Variants in PIK3CB observed in about 807,000 individuals in gnomAD.
PIK3CB encodes the protein phosphatidylinositol 4,5-bisphosphate 3-kinase catalytic subunit beta isoform.
A neutral mutation model predicts 136.8 loss-of-function variants in PIK3CB; 39 were observed. The observed-to-expected ratio is 0.29, with a 90% CI of 0.22 to 0.37. PIK3CB has a LOEUF of 0.37. Ranked by LOEUF, PIK3CB falls within the 10% of genes least tolerant of loss-of-function variation. The probability of loss-of-function intolerance (pLI) is 1.00; values close to 1 mark genes in which losing one functional copy is unlikely to be tolerated. For synonymous variants in PIK3CB, 428 were observed against 436.6 expected, an observed-to-expected ratio of 0.98 and a Z score of 0.25; for missense variants, 868 against 1,275.4, an observed-to-expected ratio of 0.68 and a Z score of 4.87.
intron 2 of PIK3CB, among the ~76,000 whole-genome samples, chr3:138,765,084 C>A (rs1279793914): frequency 1.3e-5 from 2 of 152,212 alleles, no homozygotes; most frequent in African/African-American, 4.8e-5. Flanking sequence ...CCCACTAGCA[C>A]TTTGGGAGGT....
chr3:138,661,814 G>A (rs16848263), intron 21 of PIK3CB, among the ~76,000 whole-genome samples: 4,728 of 152,256 alleles, frequency 0.031, 254 homozygotes, highest in African/African-American at 0.11. Flanking sequence ...TTTCATTCTA[G>A]TATGCCTCTA....
intron 2 of PIK3CB, among the ~76,000 whole-genome samples, chr3:138,795,345 G>T (rs892428463): frequency 7.2e-5 from 10 of 139,222 alleles, no homozygotes; most frequent in Middle Eastern, 4.5e-3. Flanking sequence ...AAAAAAAAAA[G>T]GCCCAGCATG....
At chr3:138,690,867 G>A in intron 15 of PIK3CB, 133 bp downstream of exon 15, 1 of 604,128 alleles carries the variant, frequency 1.7e-6, no homozygotes, top group East Asian at 2.9e-5. Flanking sequence ...ACAGGAGAAG[G>A]CACCAAAACC....
intron 1 of PIK3CB, among the ~76,000 whole-genome samples, chr3:138,816,332 G>A (rs1028360357): frequency 7.9e-5 from 12 of 151,866 alleles, no homozygotes; most frequent in Admixed American, 3.9e-4. Flanking sequence ...GGTGGCTCAC[G>A]CCTATAATTC....
intron 4 of PIK3CB, among the ~76,000 whole-genome samples, chr3:138,743,048 A>C (rs2045275985): frequency 6.6e-6 from 1 of 152,244 alleles, no homozygotes; most frequent in South Asian, 2.1e-4. Context: ...TTTGCCTACC[A>C]GTTTTACAAA....
chr3:138,774,500 T>A (rs1468212432), intron 2 of PIK3CB, among the ~76,000 whole-genome samples: 1 of 152,214 alleles, frequency 6.6e-6, no homozygotes, highest in Admixed American at 6.5e-5. Flanking sequence ...TCCAATAGAC[T>A]AACTGAGGTG....
intron 15 of PIK3CB, among the ~76,000 whole-genome samples, chr3:138,690,693 G>C (rs1033385162): frequency 6.9e-6 from 1 of 144,754 alleles, no homozygotes; most frequent in Admixed American, 6.9e-5. Context: ...ATTAATTTCA[G>C]TTAAAAATCA....
chr3:138,769,528 ACATGTAACTCTT>A (rs1290101133), intron 2 of PIK3CB, among the ~76,000 whole-genome samples: 5 of 152,212 alleles, frequency 3.3e-5, no homozygotes, highest in Admixed American at 2.0e-4. Flanking sequence ...CCACAAGATG[ACATGTAACTCTT>A]CAGAGCTTCA....
chr3:138,746,134 T>C (rs1576381412), intron 4 of PIK3CB, among the ~76,000 whole-genome samples: 1 of 151,880 alleles, frequency 6.6e-6, no homozygotes, highest in East Asian at 1.9e-4. Flanking sequence ...TAGTCCCAGC[T>C]ACTCAGGAGG....
intron 19 of PIK3CB, among the ~76,000 whole-genome samples, chr3:138,680,466 T>C (rs897190805): frequency 2.0e-5 from 3 of 152,164 alleles, no homozygotes; most frequent in African/African-American, 7.2e-5. Flanking sequence ...AAAACACTGA[T>C]GAACTGGACT....
chr3:138,684,518 T>G, intron 17 of PIK3CB, 107 bp downstream of exon 17: 1 of 698,542 alleles, frequency 1.4e-6, no homozygotes, highest in South Asian at 3.5e-5. Context: ...CTTCCTTAAT[T>G]ATATTCTACT....
chr3:138,762,072 C>G (rs1232210865), intron 2 of PIK3CB, among the ~76,000 whole-genome samples: 2 of 151,504 alleles, frequency 1.3e-5, no homozygotes, highest in Admixed American at 1.3e-4. Context: ...CATGGCGAAA[C>G]CCTGTCTCTA....
Position 138,790,675 on chromosome 3 carries a change from G to A in PIK3CB, c.-17+5788C>T, listed in dbSNP as rs112948066. 6.1e-3 allele frequency among the ~76,000 whole-genome samples: 925 copies of A among 151,406 alleles called. 11 individuals carry two copies. The highest frequency in any genetic ancestry group is 0.022 in the African/African-American group (891 of 41,296). On this transcript the variant is annotated intron_variant, in intron 2 of 23. Coordinates refer to ENST00000674063, the MANE Select transcript of PIK3CB (RefSeq NM_006219.3). ...AAAAAAAAAAAAAAATTAACTGGGC[G>A]TGGTGGCGGGTGCCTGTAGTCCCAG...
chr3:138,717,568 C>T (rs893106610), intron 8 of PIK3CB, among the ~76,000 whole-genome samples: 1 of 151,682 alleles, frequency 6.6e-6, no homozygotes, highest in African/African-American at 2.4e-5. Context: ...TTTGGGGGTA[C>T]ATGTGAAGGT....
chr3:138,799,217 G>A (rs1189326145), intron 1 of PIK3CB, among the ~76,000 whole-genome samples: 25 of 135,658 alleles, frequency 1.8e-4, no homozygotes, highest in Middle Eastern at 4.1e-3. Context: ...TCACTCTGTC[G>A]CCCAGGCTGG....
chr3:138,695,964 T>C (rs2044129456), intron 13 of PIK3CB, among the ~76,000 whole-genome samples: 1 of 102,482 alleles, frequency 9.8e-6, no homozygotes, highest in African/African-American at 3.8e-5. Context: ...TGAGATGGGG[T>C]TTCACCATGT....
At chr3:138,798,326 G>A (rs1446442715) in intron 1 of PIK3CB, among the ~76,000 whole-genome samples, 9 of 151,986 alleles carry the variant, frequency 5.9e-5, no homozygotes, top group Admixed American at 4.6e-4. Context: ...CACCACGCCC[G>A]GCTAATTTTT....
At chr3:138,735,632 G>A (rs1455428757) in intron 6 of PIK3CB, among the ~76,000 whole-genome samples, 1 of 152,056 alleles carries the variant, frequency 6.6e-6, no homozygotes, top group Admixed American at 6.6e-5. Context: ...ATCCCAGTTT[G>A]ATGTTCTATT....
In PIK3CB at chr3:138,769,442, G is replaced by A. The variant is rs568946145; in HGVS notation, c.-16-10083C>T. Among the ~76,000 whole-genome samples, 9 of 152,318 alleles carry A rather than the reference G, an allele frequency of 5.9e-5. No individual in the cohort carries two copies. The South Asian group carries it at 1.7e-3, about 28-fold the overall frequency. The stretch of plus-strand genomic sequence containing the variant: ...TAGACCCTTAACTAATCAGAGGAAT[G>A]TAAACCCAGTATAACTAGCTCTTAG... On this transcript the variant is annotated intron_variant, in intron 2 of 23. Transcript: ENST00000674063.
Sources: allele counts gnomAD v4.1 joint callset (sites outside exome capture counted in the v4.1 genomes callset), GRCh38; gene constraint gnomAD v4.1.1; transcripts MANE v1.5; gene names NCBI Gene and HGNC (gene_info 2026-07-23, HGNC 2026-07-21).